Variants in ADGRE2 observed in about 807,000 individuals in gnomAD.
The protein encoded by ADGRE2 is adhesion G protein-coupled receptor E2, also known as CD97 antigen.
ADGRE2 carries 83 observed loss-of-function variants against 100.8 expected under a neutral mutation model. The ratio of observed to expected loss-of-function variants is 0.82; its 90% CI spans 0.69 to 0.99. The LOEUF is 0.99. Ranked by LOEUF, ADGRE2 falls within the 50% of genes least tolerant of loss-of-function variation. ADGRE2 has a pLI of 0.00. For missense variants in ADGRE2, 814 were observed against 1,035.7 expected (o/e 0.79, Z 2.94); for synonymous variants, 355 against 413.0 (o/e 0.86, Z 1.70).
chr19:14,747,767 A>G (rs1444300661), intron 16 of ADGRE2, among the ~76,000 whole-genome samples: 2 of 152,104 alleles, frequency 1.3e-5, no homozygotes, highest in Non-Finnish European at 2.9e-5. Context: ...GTGAGCCAAG[A>G]TGGCACCACT....
At position 14,776,396 on chromosome 19, in the gene ADGRE2, GCACT is replaced by G. The variant is rs372693051; in HGVS notation, c.31+326_31+329del. The G allele has an allele frequency of 9.1e-5, 27 of 296,612 alleles. No individual in the cohort carries two copies. The East Asian group carries it at 2.1e-3, about 23-fold the overall frequency. 18.4% of individuals were successfully genotyped at this position (296,612 alleles called of 1,614,324 possible). A position where few individuals can be genotyped will look rare whatever the true frequency, so the allele number is the denominator to read the frequency against. On this transcript the variant is annotated intron_variant, in intron 2 of 20. Coordinates refer to ENST00000315576, the MANE Select transcript of ADGRE2 (RefSeq NM_013447.4). ...TAAGAGCAGTGGCTCTGGGGTCCTA[GCACT>G]CACTTTTTGCCCCTTTCCTTCCCCC...
chr19:14,774,720 C>T (rs1388795224), intron 2 of ADGRE2, among the ~76,000 whole-genome samples: 1 of 74,786 alleles, frequency 1.3e-5, no homozygotes, highest in African/African-American at 4.1e-5. Context: ...GTCGCCCAGG[C>T]TGAAGTGCAA....
chr19:14,758,714 C>A (rs2043587496), intron 11 of ADGRE2, among the ~76,000 whole-genome samples: 1 of 152,002 alleles, frequency 6.6e-6, no homozygotes. Context: ...GAAACCCCGT[C>A]TCTACTAAAA....
Position 14,755,117 on chromosome 19 carries a change from G to T in ADGRE2, c.1427C>A (p.Pro476Gln). 6.2e-7 allele frequency: 1 copy of T among 1,613,756 alleles called. No individual in the cohort carries two copies. The highest frequency in any genetic ancestry group is 2.2e-5 in the East Asian group (1 of 44,866). The change falls in exon 14 of 21, where the codon CCG becomes CAG. Residue 476 changes from proline to glutamine, a missense_variant. Around this residue, in one of 5 missense-constraint regions of ADGRE2, gnomAD observed 569 missense variants for 692.7 expected, o/e 0.82. Transcript: ENST00000315576. ...TFTFSHRSVI[P>Q]RQKVLCVFWE... ...GAAGACACAGAGCACCTTCTGTCTC[G>T]GGATCACTGACTGCAGGAACAGAAC...
At chr19:14,753,926 G>A (rs936252184) in intron 14 of ADGRE2, among the ~76,000 whole-genome samples, 1 of 152,180 alleles carries the variant, frequency 6.6e-6, no homozygotes, top group Non-Finnish European at 1.5e-5. Context: ...TGATTGGATT[G>A]AAGGATACAA....
intron 16 of ADGRE2, among the ~76,000 whole-genome samples, chr19:14,747,503 C>T (rs1249911248): frequency 6.7e-6 from 1 of 149,172 alleles, no homozygotes; most frequent in East Asian, 2.0e-4. Context: ...TATATTGCAG[C>T]ATTTTAAAAT....
downstream of ADGRE2, chr19:14,731,335 C>A: frequency 2.6e-6 from 2 of 756,708 alleles, no homozygotes; most frequent in Non-Finnish European, 2.2e-6. Context: ...GACTTTCAAA[C>A]TTCCAGTTCC....
downstream of ADGRE2, among the ~76,000 whole-genome samples, chr19:14,728,611 T>C (rs2042648438): frequency 6.6e-6 from 1 of 152,238 alleles, no homozygotes; most frequent in Non-Finnish European, 1.5e-5. Context: ...CATCAAACTT[T>C]CTCTAGACCT....
chr19:14,757,715 C>T (rs2043550671), intron 11 of ADGRE2, among the ~76,000 whole-genome samples: 1 of 152,196 alleles, frequency 6.6e-6, no homozygotes, highest in Admixed American at 6.5e-5. Context: ...TCAAAATAAG[C>T]CAGTGACCTA....
chr19:14,775,845 C>A (rs552920611), intron 2 of ADGRE2, among the ~76,000 whole-genome samples: 7 of 137,632 alleles, frequency 5.1e-5, no homozygotes, highest in Non-Finnish European at 1.1e-4. Context: ...GGCGACAGAG[C>A]AAGGCTCCGC....
rs900750176 is a variant in ADGRE2, at chr19:14,736,733, G to T, written c.2464-489C>A. On this transcript the variant is annotated intron_variant, in intron 20 of 20. Transcript: ENST00000315576. The stretch of plus-strand genomic sequence containing the variant: ...ATATTTAGAAATATATAGATATTTA[G>T]AAATATAGATATTTAGAAATATATA... Among the ~76,000 whole-genome samples, 8 of 140,800 alleles carry T rather than the reference G, an allele frequency of 5.7e-5. No homozygotes were observed. The South Asian group carries it at 1.5e-3, about 27-fold the overall frequency. The allele number at this position is 140,800 out of a possible 152,430, so 92.4% of individuals were successfully genotyped here. A position where few individuals can be genotyped will look rare whatever the true frequency, so the allele number is the denominator to read the frequency against.
At chr19:14,747,025 T>C (rs1318787540) in intron 16 of ADGRE2, 63 bp from the exon 17 acceptor site, 1 of 1,354,140 alleles carries the variant, frequency 7.4e-7, no homozygotes, top group Non-Finnish European at 1.0e-6. Context: ...GTTATGTAAA[T>C]CTATTCCATC....
At chr19:14,738,547 T>C (rs910466057) in intron 20 of ADGRE2, among the ~76,000 whole-genome samples, 2 of 152,064 alleles carry the variant, frequency 1.3e-5, no homozygotes, top group African/African-American at 2.4e-5. Context: ...CTGGCTAATT[T>C]TTATACTTTT....
chr19:14,765,170 T>A (rs2147410314), intron 10 of ADGRE2, 150 bp downstream of exon 10: 1 of 785,288 alleles, frequency 1.3e-6, no homozygotes, highest in Non-Finnish European at 2.1e-6. Context: ...TGGGTGTCCA[T>A]TAGCTTCCAC....
downstream of ADGRE2, among the ~76,000 whole-genome samples, chr19:14,729,923 C>T (rs2042657046): frequency 6.6e-6 from 1 of 152,158 alleles, no homozygotes; most frequent in South Asian, 2.1e-4. Context: ...AGTGGGATCC[C>T]TGCTAGTTGT....
intron 11 of ADGRE2, among the ~76,000 whole-genome samples, chr19:14,759,078 G>A (rs969519774): frequency 9.9e-5 from 15 of 152,050 alleles, no homozygotes; most frequent in African/African-American, 3.6e-4. Flanking sequence ...GAAGAAACTG[G>A]CTGCCCCAGC....
intron 5 of ADGRE2, chr19:14,768,951 A>C (rs1490802958): frequency 6.6e-6 from 1 of 152,246 alleles, no homozygotes; most frequent in Admixed American, 6.5e-5. Flanking sequence ...GATCAGAGAG[A>C]GTTCCAGGTG....
intron 5 of ADGRE2, among the ~76,000 whole-genome samples, 155 bp from the exon 6 acceptor site, chr19:14,767,264 A>C (rs1001877466): frequency 7.0e-6 from 1 of 143,244 alleles, no homozygotes; most frequent in South Asian, 2.2e-4. Context: ...TTTGAGACGG[A>C]GTCTTGCTCT....
At chr19:14,776,251 C>T (rs1202760522) in intron 2 of ADGRE2, among the ~76,000 whole-genome samples, 1 of 151,858 alleles carries the variant, frequency 6.6e-6, no homozygotes, top group Admixed American at 6.6e-5. Context: ...GAAAGAGAGA[C>T]AGAAGGAGAA....
Sources: gnomAD v4.1 joint callset for allele counts (sites outside exome capture counted in the v4.1 genomes callset) on GRCh38, gnomAD v4.1.1 for gene constraint, gnomAD v4.1.1 regional missense constraint, MANE v1.5 for transcripts, NCBI Gene and HGNC (gene_info 2026-07-23, HGNC 2026-07-21) for gene names.